The following GPAT3 variants were observed in gnomAD, a reference collection of about 807,000 sequenced individuals.
The protein encoded by GPAT3 is glycerol-3-phosphate acyltransferase 3.
Under a neutral mutation model 58.8 loss-of-function variants are expected in GPAT3, and 53 were observed. The observed-to-expected ratio is 0.90, with a 90% confidence interval of 0.72 to 1.13. The LOEUF (loss-of-function observed/expected upper bound fraction) is 1.13, where lower values mean the gene tolerates loss of function less well. Ranked by LOEUF, GPAT3 falls within the 50% of genes most tolerant of loss-of-function variation. GPAT3 has a pLI of 0.00. For synonymous variants in GPAT3, 197 were observed against 187.4 expected, an observed-to-expected ratio of 1.05 and a Z score of -0.42; for missense variants, 511 against 527.6, an observed-to-expected ratio of 0.97 and a Z score of 0.31.
chr4:83,584,640 G>A (rs1726310375), intron 3 of GPAT3, among the ~76,000 whole-genome samples: 1 of 152,188 alleles, frequency 6.6e-6, no homozygotes, highest in African/African-American at 2.4e-5. Context: ...CGAGTAGCTG[G>A]AATTACAGGC....
At chr4:83,601,745 C>T (rs1188121907) in intron 11 of GPAT3, among the ~76,000 whole-genome samples, 1 of 152,190 alleles carries the variant, frequency 6.6e-6, no homozygotes, top group East Asian at 1.9e-4. Flanking sequence ...CAGAGCGAGA[C>T]CCTGTCTCAA....
At position 83,604,760 on chromosome 4, in the gene GPAT3, T is replaced by A. The variant is rs1410071790; in HGVS notation, c.1298T>A (p.Leu433His). Reference sequence around the variant, plus strand: ...AAGATGATTGTGGGCAATGGATCTCTCAGCTAAGAGGACGGATGACAGCCT... The same window carrying A: ...AAGATGATTGTGGGCAATGGATCTCACAGCTAAGAGGACGGATGACAGCCT... Reference protein sequence around the residue: ...YSKMIVGNGSLS With the variant: ...YSKMIVGNGSHS Residue 433 changes from leucine (L) to histidine (H), a missense_variant, in exon 12 of 12, where the codon CTC becomes CAC. By Grantham distance (99) the Leu-to-His change is moderately conservative. Coordinates refer to ENST00000264409, the MANE Select transcript of GPAT3 (RefSeq NM_032717.5). 1 of 1,613,678 alleles carries A rather than the reference T, an allele frequency of 6.2e-7. No individual in the cohort carries two copies.
intron 2 of GPAT3, among the ~76,000 whole-genome samples, chr4:83,555,409 G>GAAGCTGATGTCATGA (rs1441100532): frequency 9.3e-6 from 1 of 107,218 alleles, no homozygotes; most frequent in Non-Finnish European, 1.9e-5. Context: ...TCATTTTATG[G>GAAGCTGATGTCATGA]AAGCTGATGT....
chr4:83,587,161 T>C (rs560152833), intron 3 of GPAT3, 94 bp from the exon 4 acceptor site: 2 of 977,832 alleles, frequency 2.0e-6, no homozygotes, highest in East Asian at 2.4e-5. Context: ...GTGGATACTC[T>C]ACAACTTATT....
intron 2 of GPAT3, among the ~76,000 whole-genome samples, chr4:83,553,900 T>TA (rs1330792023): frequency 6.6e-6 from 1 of 151,284 alleles, no homozygotes; most frequent in Admixed American, 6.6e-5. Flanking sequence ...ATAAATAAAA[T>TA]AAAAAAATAA....
intron 2 of GPAT3, among the ~76,000 whole-genome samples, chr4:83,560,458 GTCATACGTACCTGC>G (rs1725090382): frequency 6.6e-6 from 1 of 151,994 alleles, no homozygotes; most frequent in African/African-American, 2.4e-5. Flanking sequence ...TGACATCACA[GTCATACGTACCTGC>G]TCATTTCACC....
intron 2 of GPAT3, among the ~76,000 whole-genome samples, chr4:83,581,095 C>CAAAAAAA (rs35894737): frequency 1.4e-5 from 1 of 70,292 alleles, no homozygotes. Context: ...GACTCCGTCT[C>CAAAAAAA]AAAAAAAAAA....
chr4:83,595,334 AAG>A (rs1279987160), intron 7 of GPAT3: 1 of 153,782 alleles, frequency 6.5e-6, no homozygotes, highest in African/African-American at 2.4e-5. Flanking sequence ...ATATATAAAA[AAG>A]AAAAAAAAAC....
At chr4:83,580,240 A>G (rs189075104) in intron 2 of GPAT3, among the ~76,000 whole-genome samples, 29 of 152,348 alleles carry the variant, frequency 1.9e-4, no homozygotes, top group African/African-American at 6.5e-4. Flanking sequence ...ATACAGTAAC[A>G]GCACAGAGAG....
chr4:83,535,999 T>C, upstream of GPAT3: 1 of 985,380 alleles, frequency 1.0e-6, no homozygotes, highest in Non-Finnish European at 1.2e-6. Context: ...CCCAGGAGGC[T>C]GCGGCACTCC....
At chr4:83,541,142 C>T (rs925326584) in intron 1 of GPAT3, among the ~76,000 whole-genome samples, 19 of 152,162 alleles carry the variant, frequency 1.2e-4, no homozygotes, top group Non-Finnish European at 1.9e-4. Context: ...TTACTTTCAC[C>T]GGGCATCAAC....
intron 6 of GPAT3, among the ~76,000 whole-genome samples, chr4:83,591,513 G>T (rs1726599838): frequency 6.6e-6 from 1 of 152,132 alleles, no homozygotes; most frequent in Non-Finnish European, 1.5e-5. Context: ...GGAATTAGTT[G>T]ATAGTTATGT....
intron 2 of GPAT3, among the ~76,000 whole-genome samples, chr4:83,574,419 G>C (rs1157967081): frequency 6.6e-6 from 1 of 152,060 alleles, no homozygotes; most frequent in Non-Finnish European, 1.5e-5. Flanking sequence ...TTCGTATCTG[G>C]TATTATTTAT....
chr4:83,550,403 CTGAT>C (rs965565886), intron 2 of GPAT3, among the ~76,000 whole-genome samples: 1 of 151,474 alleles, frequency 6.6e-6, no homozygotes, highest in Non-Finnish European at 1.5e-5. Context: ...AATATTGTGT[CTGAT>C]GATGATGATG....
intron 6 of GPAT3, among the ~76,000 whole-genome samples, chr4:83,593,268 G>T (rs745936127): frequency 2.7e-5 from 4 of 148,946 alleles, no homozygotes; most frequent in Admixed American, 6.9e-5. Flanking sequence ...AGGTTCAAGT[G>T]ATTCTCCTGC....
intron 2 of GPAT3, among the ~76,000 whole-genome samples, chr4:83,563,610 T>C (rs796202034): frequency 6.6e-6 from 1 of 151,242 alleles, no homozygotes; most frequent in African/African-American, 2.4e-5. Flanking sequence ...GGCTCCTGAA[T>C]AGTTGGGATT....
rs1363210351 is a variant in GPAT3 at position 83,605,340 on chromosome 4, G to A, written c.*573G>A. The stretch of plus-strand genomic sequence containing the variant: ...TGTGTTGGAAGAGAAATACTATTCA[G>A]TAAGCTTCGCCAAAGAAAAGTGAGT... On this transcript the variant is annotated 3_prime_UTR_variant, in exon 12 of 12. Transcript: ENST00000264409. 1 of 152,314 alleles carries A rather than the reference G, an allele frequency of 6.6e-6. No homozygotes were observed. Among genetic ancestry groups the A allele is most frequent in the Non-Finnish European group, 1.5e-5 (1 of 68,118 alleles). The allele number at this position is 152,314 out of a possible 1,614,324, so 9.4% of individuals were successfully genotyped here.
intron 11 of GPAT3, among the ~76,000 whole-genome samples, chr4:83,604,021 G>C (rs2110114110): frequency 6.6e-6 from 1 of 152,184 alleles, no homozygotes; most frequent in Middle Eastern, 3.4e-3. Flanking sequence ...GAATAATATA[G>C]AGAAATAATC....
intron 1 of GPAT3, among the ~76,000 whole-genome samples, chr4:83,538,609 C>T (rs1049839483): frequency 6.6e-6 from 1 of 152,306 alleles, no homozygotes; most frequent in East Asian, 1.9e-4. Flanking sequence ...TCACTTCTGT[C>T]TGTTTTTCTT....
Sources: gnomAD v4.1 joint callset for allele counts (sites outside exome capture counted in the v4.1 genomes callset) on GRCh38, gnomAD v4.1.1 for gene constraint, MANE v1.5 for transcripts, NCBI Gene and HGNC (gene_info 2026-07-23, HGNC 2026-07-21) for gene names.